The following ARID4B variants were observed in gnomAD, a reference collection of about 807,000 sequenced individuals.
ARID4B encodes AT-rich interactive domain-containing protein 4B.
In ARID4B, 26 loss-of-function variants were observed where a neutral mutation model predicts 147.5. The observed-to-expected ratio is 0.18, with a 90% CI of 0.13 to 0.24. The LOEUF (loss-of-function observed/expected upper bound fraction) is 0.24. ARID4B is among the 10% of genes least tolerant of loss of function. The pLI is 1.00. For synonymous variants in ARID4B, 512 were observed against 507.9 expected (o/e 1.01, Z -0.11); for missense variants, 1,179 against 1,511.5 (o/e 0.78, Z 3.65).
At chr1:235,295,486 C>A (rs1007358416) in intron 2 of ARID4B, among the ~76,000 whole-genome samples, 1 of 123,820 alleles carries the variant, frequency 8.1e-6, no homozygotes, top group African/African-American at 3.2e-5. Context: ...CTCTAGCCTG[C>A]GGGGGGACAA....
intron 7 of ARID4B, among the ~76,000 whole-genome samples, chr1:235,245,576 G>A (rs568687190): frequency 1.1e-4 from 16 of 151,848 alleles, no homozygotes; most frequent in African/African-American, 3.6e-4. Flanking sequence ...TTTAAAGTTC[G>A]AATAATTCAG....
chr1:235,301,005 A>G (rs535369559), intron 2 of ARID4B, among the ~76,000 whole-genome samples: 3 of 145,562 alleles, frequency 2.1e-5, no homozygotes, highest in African/African-American at 5.1e-5. Context: ...GTGAGCCACT[A>G]CGCCCAGCCA....
At chr1:235,185,494 C>T (rs1664612554) in intron 19 of ARID4B, among the ~76,000 whole-genome samples, 1 of 152,170 alleles carries the variant, frequency 6.6e-6, no homozygotes, top group Non-Finnish European at 1.5e-5. Context: ...TCTGGGTCTG[C>T]TCTAACAGCT....
In ARID4B at chr1:235,221,886, A is replaced by ATTTTTTTT. The variant is rs768600040; in HGVS notation, c.1066-232_1066-225dup. Among the ~76,000 whole-genome samples the ATTTTTTTT allele has an allele frequency of 2.1e-3, 113 of 53,636 alleles. 2 individuals are homozygous for ATTTTTTTT. Among genetic ancestry groups the ATTTTTTTT allele is most frequent in the South Asian group, 3.1e-3 (5 of 1,608 alleles). The allele number at this position is 53,636 out of a possible 152,430, so 35.2% of individuals were successfully genotyped here. A position where few individuals can be genotyped will look rare whatever the true frequency, so the allele number is the denominator to read the frequency against. On this transcript the variant is annotated intron_variant, in intron 13 of 23. Coordinates refer to ENST00000264183, the MANE Select transcript of ARID4B (RefSeq NM_016374.6). ...TGTTGAAATATTAAGTCATTTGACT[A>ATTTTTTTT]TTTTTTTTTTTTTTTTTTTTTTTTT...
chr1:235,263,913 G>A (rs975814706), intron 2 of ARID4B, among the ~76,000 whole-genome samples: 2 of 151,914 alleles, frequency 1.3e-5, no homozygotes, highest in Admixed American at 6.6e-5. Flanking sequence ...AGAATGGCGT[G>A]AACCTGGGAG....
intron 2 of ARID4B, among the ~76,000 whole-genome samples, chr1:235,304,970 A>G (rs1673440907): frequency 6.6e-6 from 1 of 152,202 alleles, no homozygotes; most frequent in South Asian, 2.1e-4. Context: ...CCCTCCCCAC[A>G]AAATGACCAC....
In ARID4B at chr1:235,240,375, T is replaced by C. The variant is rs963024945; in HGVS notation, c.523A>G (p.Lys175Glu). The change falls in exon 8 of 24, where the codon AAA becomes GAA. Residue 175 changes from lysine (K) to glutamate (E), a missense_variant. Lys to Glu is a moderately conservative substitution (Grantham distance 56, BLOSUM62 1). Transcript: ENST00000264183. ...CTAATGTAATCTACACATACAACTT[T>C]GCCTAGTAGCTCATCAATCTGTTTC... ...DRKQIDELLG[K>E]VVCVDYISLD... 6.2e-7 allele frequency: 1 copy of C among 1,613,624 alleles called. No homozygotes were observed. Among genetic ancestry groups the C allele is most frequent in the African/African-American group, 1.3e-5 (1 of 75,040 alleles).
chr1:235,308,471 C>T (rs1673743143), intron 2 of ARID4B, among the ~76,000 whole-genome samples: 1 of 148,972 alleles, frequency 6.7e-6, no homozygotes. Flanking sequence ...CTCCCTATCC[C>T]TCTCCCCACG....
intron 2 of ARID4B, among the ~76,000 whole-genome samples, chr1:235,292,802 T>C (rs1178485111): frequency 3.3e-5 from 5 of 152,168 alleles, no homozygotes; most frequent in African/African-American, 1.2e-4. Flanking sequence ...GATCTACTTT[T>C]ATGTAACAGT....
intron 19 of ARID4B, among the ~76,000 whole-genome samples, chr1:235,185,548 C>T (rs559332211): frequency 5.3e-5 from 8 of 152,274 alleles, no homozygotes; most frequent in Admixed American, 5.2e-4. Flanking sequence ...TGAGCTAGGT[C>T]CACTGTTAAC....
chr1:235,230,078 G>A (rs919023232), intron 10 of ARID4B, among the ~76,000 whole-genome samples: 7 of 152,160 alleles, frequency 4.6e-5, no homozygotes, highest in Non-Finnish European at 7.3e-5. Flanking sequence ...GAGCCTTGTG[G>A]TTAAGGATGT....
At chr1:235,264,815 T>C (rs530366354) in intron 2 of ARID4B, among the ~76,000 whole-genome samples, 4 of 152,044 alleles carry the variant, frequency 2.6e-5, no homozygotes, top group South Asian at 2.1e-4. Context: ...CCCAGCACTT[T>C]GGGAGGCCAA....
intron 11 of ARID4B, among the ~76,000 whole-genome samples, chr1:235,225,560 G>A (rs1667774112): frequency 6.6e-6 from 1 of 152,136 alleles, no homozygotes. Context: ...ACTATGCCAG[G>A]TGCTGAATCA....
intron 2 of ARID4B, among the ~76,000 whole-genome samples, chr1:235,312,841 C>T (rs138660714): frequency 0.021 from 3,227 of 152,098 alleles, 56 homozygotes; most frequent in Middle Eastern, 0.054. Flanking sequence ...AGCATGGTGG[C>T]GCATGCCTGT....
chr1:235,208,647 C>T (rs1039093823), intron 17 of ARID4B, among the ~76,000 whole-genome samples: 6 of 151,222 alleles, frequency 4.0e-5, no homozygotes, highest in African/African-American at 1.5e-4. Flanking sequence ...GGATTATAGG[C>T]ATGTGCCTCC....
intron 2 of ARID4B, among the ~76,000 whole-genome samples, chr1:235,322,445 C>T (rs963355719): frequency 2.0e-5 from 3 of 152,174 alleles, no homozygotes; most frequent in Admixed American, 6.5e-5. Flanking sequence ...AGATACTTCA[C>T]CTTGTTTCGT....
chr1:235,284,971 T>C (rs1300219964), intron 2 of ARID4B, among the ~76,000 whole-genome samples: 1 of 152,122 alleles, frequency 6.6e-6, no homozygotes, highest in Non-Finnish European at 1.5e-5. Flanking sequence ...TGGTGCCATC[T>C]TGGCTCACTG....
At chr1:235,198,739 G>T (rs1433350460) in intron 17 of ARID4B, among the ~76,000 whole-genome samples, 1 of 152,208 alleles carries the variant, frequency 6.6e-6, no homozygotes, top group African/African-American at 2.4e-5. Flanking sequence ...TAAATTAGAT[G>T]AAACAAACTA....
At chr1:235,212,519 G>A (rs1033131355) in intron 17 of ARID4B, among the ~76,000 whole-genome samples, 7 of 152,034 alleles carry the variant, frequency 4.6e-5, no homozygotes, top group African/African-American at 9.7e-5. Flanking sequence ...AGAATGGATC[G>A]GACTGGTACT....
Sources: allele counts gnomAD v4.1 joint callset (sites outside exome capture counted in the v4.1 genomes callset), GRCh38; gene constraint gnomAD v4.1.1; transcripts MANE v1.5; gene names NCBI Gene and HGNC (gene_info 2026-07-23, HGNC 2026-07-21).